The following LMTK3 variants were observed in gnomAD, a reference collection of about 807,000 sequenced individuals.
LMTK3 encodes the protein serine/threonine-protein kinase LMTK3.
A neutral mutation model predicts 116.7 loss-of-function variants in LMTK3; 27 were observed. The ratio of observed to expected loss-of-function variants is 0.23; its 90% CI spans 0.17 to 0.32. The LOEUF (loss-of-function observed/expected upper bound fraction) is 0.32. LMTK3 is among the 10% of genes least tolerant of loss of function. LMTK3 has a pLI of 1.00. For synonymous variants in LMTK3, 965 were observed against 971.0 expected (o/e 0.99, Z 0.11); for missense variants, 1,764 against 2,068.5 (o/e 0.85, Z 2.86).
Position 48,502,415 on chromosome 19 carries a change from GC to G in LMTK3, c.794+17del. Reference sequence around the variant, plus strand: ...CTTCCCCTTAGTAGCTCCTCCCGCGGCTCCCCGGCCCGCCCACCTGTGCACG... The same window carrying G: ...CTTCCCCTTAGTAGCTCCTCCCGCGGTCCCCGGCCCGCCCACCTGTGCACG... On this transcript the variant is annotated intron_variant, in intron 7 of 14. Transcript: ENST00000600059. 1 of 1,606,190 alleles carries G rather than the reference GC, an allele frequency of 6.2e-7. No individual in the cohort carries two copies. The highest frequency in any genetic ancestry group is 8.5e-7 in the Non-Finnish European group (1 of 1,177,268).
intron 12 of LMTK3, among the ~76,000 whole-genome samples, chr19:48,493,469 C>T (rs1972262952): frequency 6.8e-6 from 1 of 146,790 alleles, no homozygotes; most frequent in Admixed American, 6.7e-5. Context: ...CCGCATCACT[C>T]CAGCTCGGCC....
chr19:48,498,530 GC>G lies in LMTK3; in HGVS notation c.2538del (p.Arg848GlyfsTer10). 6.4e-7 allele frequency: 1 copy of G among 1,573,002 alleles called. No homozygotes were observed. Among genetic ancestry groups the G allele is most frequent in the Non-Finnish European group, 8.6e-7 (1 of 1,159,164 alleles). On this transcript the variant is annotated frameshift_variant, in exon 11 of 15. Coordinates refer to ENST00000600059, the MANE Select transcript of LMTK3 (RefSeq NM_001388485.1). LOFTEE classifies it high-confidence loss of function. ...ACCACGAAGGTCGGCTTCTCCCGGG[GC>G]CCCGGGAGTGGGAGCGGACCCGGGT... ...PPDPGPLPLPGPREKPTFVVQ... is the reference protein window; with the variant it reads ...PPDPGPLPLPXPREKPTFVVQ...
Position 48,499,518 on chromosome 19 carries a change from C to T in LMTK3, c.1551G>A (p.Ala517=). Residue 517 remains alanine (A), a synonymous_variant, in exon 11 of 15, where the codon GCG becomes GCA. Transcript: ENST00000600059. ...CAGGCAGCACGCTGGGCGTGGACAG[C>T]GCCTCGTAGAAAGGGTTGGAGGGGT... The part of the protein sequence containing the change: ...HANPSNPFYE[A]LSTPSVLPVI... 6.8e-7 allele frequency: 1 copy of T among 1,475,438 alleles called. No individual in the cohort carries two copies. The highest frequency in any genetic ancestry group is 9.0e-7 in the Non-Finnish European group (1 of 1,112,940). 91.4% of individuals were successfully genotyped at this position (1,475,438 alleles called of 1,614,324 possible). A position where few individuals can be genotyped will look rare whatever the true frequency, so the allele number is the denominator to read the frequency against.
chr19:48,502,804 C>T (rs1348812971), intron 6 of LMTK3, 105 bp downstream of exon 6: 17 of 940,314 alleles, frequency 1.8e-5, no homozygotes, highest in Non-Finnish European at 2.7e-5. Context: ...CACACATCAT[C>T]TACGATGATG....
chr19:48,501,348 G>C lies in LMTK3; in HGVS notation c.936C>G (p.Pro312=), dbSNP rs200010155. ...TCCCGTGGAGCTCCCCGAGGAGCTC[G>C]GGCGCCGCCCAGCGCAGTGGGATCC... ...RLWIPLRWAA[P]ELLGELHGTF... The change falls in exon 9 of 15, where the codon CCC becomes CCG. Residue 312 remains proline (P), a synonymous_variant. Coordinates refer to ENST00000600059, the MANE Select transcript of LMTK3 (RefSeq NM_001388485.1). 1.2e-4 allele frequency: 201 copies of C among 1,613,288 alleles called. No homozygotes were observed. Among genetic ancestry groups the C allele is most frequent in the Middle Eastern group, 3.3e-4 (2 of 6,062 alleles).
Position 48,510,525 on chromosome 19 carries a change from G to A in LMTK3, c.144C>T (p.Gly48=), listed in dbSNP as rs1425991735. 6.3e-6 allele frequency: 10 copies of A among 1,599,884 alleles called. No homozygotes were observed. The highest frequency in any genetic ancestry group is 8.5e-6 in the Non-Finnish European group (10 of 1,173,648). The change falls in exon 2 of 15, where the codon GGC becomes GGT. Residue 48 remains glycine, a synonymous_variant. Transcript: ENST00000600059. ...PYAVVLISCS[G]LLAFIFLLLT... ...GGAGGAGGAAGATGAAGGCCAGCAG[G>A]CCGGAGCAGGAAATGAGGACCACAG...
rs943885696 is a variant in LMTK3, at chr19:48,511,625, G to A, written c.-49C>T. 4 of 635,146 alleles carry A rather than the reference G, an allele frequency of 6.3e-6. No individual in the cohort carries two copies. Among genetic ancestry groups the A allele is most frequent in the South Asian group, 2.8e-5 (1 of 36,294 alleles). The allele number at this position is 635,146 out of a possible 1,614,324, so 39.3% of individuals were successfully genotyped here. ...GGAGGTGGTGGCGGCTGGGGAGGAG[G>A]GGGGGGCGGGCCCTCAGCCCCCAGC... On this transcript the variant is annotated 5_prime_UTR_variant, in exon 1 of 15. Transcript: ENST00000600059.
chr19:48,509,553 C>G lies in LMTK3; in HGVS notation c.362-40G>C, dbSNP rs765065446. On this transcript the variant is annotated intron_variant, in intron 3 of 14. Coordinates refer to ENST00000600059, the MANE Select transcript of LMTK3 (RefSeq NM_001388485.1). The stretch of plus-strand genomic sequence containing the variant: ...AGGGGAAAGCCCCTGAGTCTCTCCC[C>G]CTTCCTGAGTGCTACCAACACACCC... 1.5e-5 allele frequency: 22 copies of G among 1,505,458 alleles called. No individual in the cohort carries two copies. In the South Asian group the frequency reaches 2.3e-4, roughly 16 times the overall value. The allele number at this position is 1,505,458 out of a possible 1,614,324, so 93.3% of individuals were successfully genotyped here.
In LMTK3 at chr19:48,491,460, G is replaced by A. The variant is rs893135802; in HGVS notation, c.4172C>T (p.Thr1391Ile). The A allele has an allele frequency of 3.5e-6, 5 of 1,421,064 alleles. No homozygotes were observed. In the African/African-American group the frequency reaches 4.5e-5, roughly 13 times the overall value. 88.0% of individuals were successfully genotyped at this position (1,421,064 alleles called of 1,614,324 possible). Residue 1391 changes from threonine to isoleucine, a missense_variant, in exon 13 of 15, where the codon ACA (threonine) becomes ATA (isoleucine). Thr to Ile is a moderately conservative substitution (Grantham distance 89). Transcript: ENST00000600059. This position sits in a 1 kb window ranked among gnomAD's most constrained non-coding sequence, Gnocchi z 5.1. ...TDPSTPPAPPTPPHPATPGDG... is the reference protein window; with the variant it reads ...TDPSTPPAPPIPPHPATPGDG... ...TCCGGGGGTGGCGGGGTGGGGAGGT[G>A]TCGGGGGCGCTGGAGGCGTTGACGG... is the stretch of plus-strand genomic sequence containing the variant.
At position 48,498,717 on chromosome 19, in the gene LMTK3, C is replaced by T. The variant is rs1330559057; in HGVS notation, c.2352G>A (p.Ser784=). The change falls in exon 11 of 15, where the codon TCG becomes TCA. Residue 784 remains serine, a synonymous_variant. Transcript: ENST00000600059. ...TGTCCCCCGGCTTGGGGCCCGGCGA[C>T]GAGAGGCCTGAACCGGGACTGGCCA... ...SAVASPGSGL[S]SPGPKPGDSG... 9 of 1,529,296 alleles carry T rather than the reference C, an allele frequency of 5.9e-6. No individual in the cohort carries two copies. The highest frequency in any genetic ancestry group is 2.4e-5 in the South Asian group (2 of 83,836). 94.7% of individuals were successfully genotyped at this position (1,529,296 alleles called of 1,614,324 possible). A position where few individuals can be genotyped will look rare whatever the true frequency, so the allele number is the denominator to read the frequency against.
upstream of LMTK3, chr19:48,513,458 C>T: frequency 9.9e-6 from 5 of 505,908 alleles, no homozygotes; most frequent in South Asian, 1.1e-4. The surrounding 1 kb of genome is among the most constrained non-coding windows in gnomAD (Gnocchi z 5.6). Context: ...ACCGACACAT[C>T]AGACAAGGAC....
chr19:48,486,204 C>T (rs921331240), intron 14 of LMTK3, among the ~76,000 whole-genome samples: 37 of 148,532 alleles, frequency 2.5e-4, no homozygotes, highest in African/African-American at 5.5e-4. Context: ...GGACTACAGG[C>T]GCCCGCCACT....
At chr19:48,493,476 G>C (rs1972263202) in intron 12 of LMTK3, among the ~76,000 whole-genome samples, 1 of 117,174 alleles carries the variant, frequency 8.5e-6, no homozygotes, top group South Asian at 2.9e-4. Flanking sequence ...ACTCCAGCTC[G>C]GCCTCCCTTC....
intron 14 of LMTK3, 41 bp from the exon 15 acceptor site, chr19:48,485,830 G>A (rs1258124673): frequency 1.3e-6 from 2 of 1,590,444 alleles, no homozygotes; most frequent in Non-Finnish European, 1.7e-6. Flanking sequence ...AAATTACTAG[G>A]GGGACAGCCT....
rs1402912213 is a variant in LMTK3, at chr19:48,498,627, C to T, written c.2442G>A (p.Glu814=). 6.5e-7 allele frequency: 1 copy of T among 1,542,400 alleles called. No individual in the cohort carries two copies. The highest frequency in any genetic ancestry group is 2.0e-5 in the Admixed American group (1 of 50,020). Residue 814 remains glutamate (E), a synonymous_variant, in exon 11 of 15, where the codon GAG becomes GAA. Transcript: ENST00000600059. ...CCCGCGGCCGAGGGACCCCTTCCTC[C>T]TCGGCCGCCCCCCCACCTGGGAAGG... The part of the protein sequence containing the change: ...EGAFPGGGAA[E]EEGVPRPRAP...
Position 48,510,008 on chromosome 19 carries a change from G to A in LMTK3, c.361+15C>T. The A allele has an allele frequency of 6.2e-7, 1 of 1,612,952 alleles. No individual in the cohort carries two copies. Among genetic ancestry groups the A allele is most frequent in the Non-Finnish European group, 8.5e-7 (1 of 1,179,180 alleles). Reference sequence around the variant, plus strand: ...CGGGACACCATGGGATGCTGGTCATGGCGTGGGGCAGTACCTGAGTGTGAA... The same window carrying A: ...CGGGACACCATGGGATGCTGGTCATAGCGTGGGGCAGTACCTGAGTGTGAA... On this transcript the variant is annotated intron_variant, in intron 3 of 14. Coordinates refer to ENST00000600059, the MANE Select transcript of LMTK3 (RefSeq NM_001388485.1).
rs548342725 is a variant in LMTK3, at chr19:48,497,502, C to T, written c.3567G>A (p.Thr1189=). The T allele has an allele frequency of 5.5e-6, 8 of 1,456,408 alleles. No homozygotes were observed. The highest frequency in any genetic ancestry group is 3.7e-4 in the Middle Eastern group (2 of 5,392). 90.2% of individuals were successfully genotyped at this position (1,456,408 alleles called of 1,614,324 possible). ...GGGGGTCCCCGTCTCCGCTGAGTGC[C>T]GTGTCTCCGCCGGCCCTGCTGTCTG... ...GAPDSRAGGD[T]ALSGDGDPPK... The change falls in exon 11 of 15, where the codon ACG becomes ACA. Residue 1189 remains threonine (T), a synonymous_variant. Transcript: ENST00000600059. The surrounding 1 kb of genome is among the most constrained non-coding windows in gnomAD (Gnocchi z 5.7).
intron 2 of LMTK3, 58 bp from the exon 3 acceptor site, chr19:48,510,231 C>A: frequency 1.9e-6 from 3 of 1,559,578 alleles, no homozygotes; most frequent in South Asian, 1.1e-5. Context: ...GACACGCCAT[C>A]GTCTTTCTCT....
chr19:48,487,648 T>C (rs1312149108), intron 14 of LMTK3, among the ~76,000 whole-genome samples: 6 of 152,034 alleles, frequency 3.9e-5, no homozygotes, highest in Admixed American at 2.6e-4. Context: ...TTCCTATGAC[T>C]CTAGCTCTGA....
Sources: allele counts gnomAD v4.1 joint callset (sites outside exome capture counted in the v4.1 genomes callset), GRCh38; gene constraint gnomAD v4.1.1; non-coding constraint Gnocchi (gnomAD v3.1); transcripts MANE v1.5; gene names NCBI Gene and HGNC (gene_info 2026-07-23, HGNC 2026-07-21).